SEPTIN10: variants seen among roughly 807,000 people sequenced by gnomAD.
SEPTIN10 encodes the protein septin 10, also known as septin-10.
A neutral mutation model predicts 54.8 loss-of-function variants in SEPTIN10; 66 were observed. That is an observed-to-expected ratio of 1.21 (90% confidence interval 0.99 to 1.48). SEPTIN10 has a LOEUF of 1.48. Among genes scored for constraint, SEPTIN10 ranks in the 40% most tolerant of loss-of-function variants. SEPTIN10 has a pLI of 0.00. For missense variants in SEPTIN10, 620 were observed against 545.6 expected, an observed-to-expected ratio of 1.14 and a Z score of -1.36; for synonymous variants, 161 against 181.0, an observed-to-expected ratio of 0.89 and a Z score of 0.89.
At chr2:109,582,123 C>A (rs1396554002) in intron 4 of SEPTIN10, among the ~76,000 whole-genome samples, 1 of 151,432 alleles carries the variant, frequency 6.6e-6, no homozygotes, top group Non-Finnish European at 1.5e-5. Flanking sequence ...CTCACTCTCA[C>A]GCAAAAACCT....
rs1415014453 is a variant in SEPTIN10, at chr2:109,604,379, A to AG, written c.30+9418dup. ...AAAAAGAAAGAAAGGAAAGAAGGGA[A>AG]GGGAAGGGGAGGGGCGGGGCGGGGA... On this transcript the variant is annotated intron_variant, in intron 1 of 10. Coordinates refer to ENST00000397712, the MANE Select transcript of SEPTIN10 (RefSeq NM_144710.5). 1.1e-3 allele frequency among the ~76,000 whole-genome samples: 29 copies of AG among 25,892 alleles called. No individual in the cohort carries two copies. The South Asian group carries it at 0.024, about 22-fold the overall frequency. 17.0% of individuals were successfully genotyped at this position (25,892 alleles called of 152,430 possible). A position where few individuals can be genotyped will look rare whatever the true frequency, so the allele number is the denominator to read the frequency against.
At chr2:109,564,133 T>A (rs941224237) in intron 8 of SEPTIN10, 3 of 384,378 alleles carry the variant, frequency 7.8e-6, no homozygotes, top group Non-Finnish European at 9.1e-6. Flanking sequence ...CCATACATTC[T>A]TCATCATATT....
rs780288687 is a variant in SEPTIN10, at chr2:109,574,669, C to T, written c.512G>A (p.Arg171His). The stretch of plus-strand genomic sequence containing the variant: ...AATGAAGTAGAGACACACATGGATG[C>T]GAGAATCATGGTAGGTAAAGAGAGA... The part of the protein sequence containing the change: ...KRSLFTYHDS[R>H]IHVCLYFISP... Residue 171 changes from arginine to histidine, a missense_variant, in exon 5 of 11, where the codon CGC becomes CAC. Transcript: ENST00000397712. 28 of 1,609,176 alleles carry T rather than the reference C, an allele frequency of 1.7e-5. No individual in the cohort carries two copies. Among genetic ancestry groups the T allele is most frequent in the Non-Finnish European group, 2.1e-5 (25 of 1,177,844 alleles).
chr2:109,585,636 T>C (rs1662682400), intron 3 of SEPTIN10, 85 bp downstream of exon 3: 1 of 912,364 alleles, frequency 1.1e-6, no homozygotes, highest in Non-Finnish European at 1.8e-6. Flanking sequence ...ATTGATAACA[T>C]GAGCATTGTT....
intron 7 of SEPTIN10, 23 bp downstream of exon 7, chr2:109,565,740 T>C (rs1686830541): frequency 1.3e-6 from 2 of 1,578,750 alleles, no homozygotes; most frequent in Non-Finnish European, 1.7e-6. Flanking sequence ...TACATATTTC[T>C]AGTCATCCTT....
At chr2:109,546,284 G>C in intron 9 of SEPTIN10, 47 bp from the exon 10 acceptor site, 2 of 1,326,692 alleles carry the variant, frequency 1.5e-6, no homozygotes, top group Non-Finnish European at 2.0e-6. Context: ...CGCGGCAGCA[G>C]AGGCACGCTC....
At chr2:109,612,215 TACTA>T (rs1215918672) in intron 1 of SEPTIN10, among the ~76,000 whole-genome samples, 1 of 151,768 alleles carries the variant, frequency 6.6e-6, no homozygotes, top group African/African-American at 2.4e-5. Flanking sequence ...CTCAAAAGGT[TACTA>T]ACTGGGTGAT....
chr2:109,567,787 C>G, intron 6 of SEPTIN10, 28 bp downstream of exon 6: 1 of 1,524,548 alleles, frequency 6.6e-7, no homozygotes, highest in Non-Finnish European at 8.8e-7. Flanking sequence ...ACATGGAAAA[C>G]AGAATTAACA....
At chr2:109,602,769 A>C (rs1243816420) in intron 1 of SEPTIN10, among the ~76,000 whole-genome samples, 2 of 152,058 alleles carry the variant, frequency 1.3e-5, no homozygotes, top group Admixed American at 6.6e-5. Flanking sequence ...AGAAAAGCCA[A>C]TGAAATTTGA....
At chr2:109,552,231 G>C (rs369459682) in intron 9 of SEPTIN10, among the ~76,000 whole-genome samples, 1 of 152,142 alleles carries the variant, frequency 6.6e-6, no homozygotes, top group Admixed American at 6.5e-5. Flanking sequence ...TCCAGGAAAC[G>C]GGTCCCTGGT....
intron 10 of SEPTIN10, chr2:109,545,720 G>A: frequency 6.9e-7 from 1 of 1,444,466 alleles, no homozygotes; most frequent in Non-Finnish European, 9.0e-7. Context: ...GCCATTAGCT[G>A]TGTACTAGGG....
chr2:109,593,769 C>A (rs1029593546), intron 1 of SEPTIN10, among the ~76,000 whole-genome samples: 1 of 152,026 alleles, frequency 6.6e-6, no homozygotes, highest in Non-Finnish European at 1.5e-5. Flanking sequence ...TCCACTGCAG[C>A]GTGTCAGAGG....
At chr2:109,572,998 T>G (rs1461128139) in intron 5 of SEPTIN10, among the ~76,000 whole-genome samples, 1 of 152,200 alleles carries the variant, frequency 6.6e-6, no homozygotes, top group Non-Finnish European at 1.5e-5. Context: ...AGAATATATT[T>G]AAATCACCAA....
intron 9 of SEPTIN10, among the ~76,000 whole-genome samples, chr2:109,549,534 C>T (rs1412588638): frequency 2.0e-5 from 3 of 152,182 alleles, no homozygotes; most frequent in Non-Finnish European, 2.9e-5. Flanking sequence ...TTATTCACTA[C>T]GACAGGCAGT....
intron 4 of SEPTIN10, among the ~76,000 whole-genome samples, chr2:109,580,142 G>C (rs1396253739): frequency 6.6e-6 from 1 of 150,876 alleles, no homozygotes; most frequent in African/African-American, 2.4e-5. Context: ...TATAAGACAA[G>C]AATACAGGCT....
intron 4 of SEPTIN10, among the ~76,000 whole-genome samples, chr2:109,579,787 T>G (rs909066369): frequency 2.0e-5 from 3 of 151,906 alleles, no homozygotes; most frequent in Non-Finnish European, 2.9e-5. Flanking sequence ...CTCCTTAAAC[T>G]CCTTTTAGAA....
At chr2:109,591,124 T>C (rs1057324338) in intron 2 of SEPTIN10, among the ~76,000 whole-genome samples, 5 of 152,250 alleles carry the variant, frequency 3.3e-5, no homozygotes, top group Non-Finnish European at 7.3e-5. Context: ...TTTTTAGTCA[T>C]GTAAGCATGT....
intron 10 of SEPTIN10, 150 bp downstream of exon 10, chr2:109,545,900 G>A: frequency 6.9e-7 from 1 of 1,444,006 alleles, no homozygotes; most frequent in Non-Finnish European, 9.2e-7. Context: ...GAACAAGAGG[G>A]ACAAGGTCTC....
At chr2:109,561,988 T>TGA (rs1685753976) in intron 8 of SEPTIN10, among the ~76,000 whole-genome samples, 1 of 133,860 alleles carries the variant, frequency 7.5e-6, no homozygotes, top group Non-Finnish European at 1.6e-5. Flanking sequence ...CAGGAATTCC[T>TGA]GACCCCAAGG....
Sources: gnomAD v4.1 joint callset for allele counts (sites outside exome capture counted in the v4.1 genomes callset) on GRCh38, gnomAD v4.1.1 for gene constraint, MANE v1.5 for transcripts, NCBI Gene and HGNC (gene_info 2026-07-23, HGNC 2026-07-21) for gene names.